RAB3B: variants seen among roughly 807,000 people sequenced by gnomAD.
RAB3B encodes RAB3B, member RAS oncogene family, also known as ras-related protein Rab-3B.
RAB3B carries 11 observed loss-of-function variants against 20.5 expected under a neutral mutation model. That is an observed-to-expected ratio of 0.54 (90% CI 0.34 to 0.89). RAB3B has a LOEUF of 0.89. Ranked by LOEUF, RAB3B falls within the 40% of genes least tolerant of loss-of-function variation. The probability of loss-of-function intolerance (pLI) is 0.02; values close to 1 mark genes in which losing one functional copy is unlikely to be tolerated. For missense variants in RAB3B, 225 were observed against 280.9 expected (o/e 0.80, Z 1.42); for synonymous variants, 99 against 106.3 (o/e 0.93, Z 0.42).
chr1:51,956,858 A>G (rs766375967), intron 2 of RAB3B, among the ~76,000 whole-genome samples: 2 of 152,190 alleles, frequency 1.3e-5, no homozygotes, highest in Non-Finnish European at 2.9e-5. Context: ...TATTTTACAG[A>G]TAAAGTAATG....
chr1:51,971,609 T>A (rs1353360310), intron 2 of RAB3B, among the ~76,000 whole-genome samples: 1 of 151,928 alleles, frequency 6.6e-6, no homozygotes, highest in Admixed American at 6.6e-5. Flanking sequence ...ATTTTTTGTA[T>A]TTTTAGTAAA....
At chr1:51,967,200 C>T (rs959261034) in intron 2 of RAB3B, among the ~76,000 whole-genome samples, 1 of 152,076 alleles carries the variant, frequency 6.6e-6, no homozygotes, top group Admixed American at 6.6e-5. Context: ...GTAATCCCAG[C>T]TATTCGGGAG....
intron 2 of RAB3B, among the ~76,000 whole-genome samples, chr1:51,940,560 C>T (rs193290501): frequency 5.3e-5 from 8 of 151,574 alleles, no homozygotes; most frequent in Admixed American, 2.6e-4. Flanking sequence ...GAGGCAGGGT[C>T]GCAGGGAGCT....
chr1:51,911,654 T>C lies in RAB3B; in HGVS notation c.*8273A>G, dbSNP rs548198656. 1.3e-5 allele frequency: 2 copies of C among 152,336 alleles called. No homozygotes were observed. The highest frequency in any genetic ancestry group is 4.8e-5 in the African/African-American group (2 of 41,568). 9.4% of individuals were successfully genotyped at this position (152,336 alleles called of 1,614,324 possible). On this transcript the variant is annotated 3_prime_UTR_variant, in exon 5 of 5. Transcript: ENST00000371655. ...CCAGAGACCACACTCTTTCTCACCTTATGTCTCTGCTGCCCTCTGCCTAAT... is the reference window on the plus strand; with the variant it reads ...CCAGAGACCACACTCTTTCTCACCTCATGTCTCTGCTGCCCTCTGCCTAAT...
rs888789109 is a variant in RAB3B at position 51,913,285 on chromosome 1, T to C, written c.*6642A>G. On this transcript the variant is annotated 3_prime_UTR_variant, in exon 5 of 5. Transcript: ENST00000371655. ...CTTTGGATCACTATTAAACAAATGATAAGACTGCCCTGCCCTATACAGTTT... is the reference window on the plus strand; with the variant it reads ...CTTTGGATCACTATTAAACAAATGACAAGACTGCCCTGCCCTATACAGTTT... 1 of 152,268 alleles carries C rather than the reference T, an allele frequency of 6.6e-6. No homozygotes were observed. The highest frequency in any genetic ancestry group is 3.4e-3 in the Middle Eastern group (1 of 294). The allele number at this position is 152,268 out of a possible 1,614,324, so 9.4% of individuals were successfully genotyped here.
intron 2 of RAB3B, among the ~76,000 whole-genome samples, chr1:51,944,540 T>C (rs1684539679): frequency 6.6e-6 from 1 of 152,194 alleles, no homozygotes; most frequent in Admixed American, 6.5e-5. Flanking sequence ...TGGGAGGAGA[T>C]AAAAATATGA....
chr1:51,957,068 T>G lies in RAB3B; in HGVS notation c.229-19656A>C, dbSNP rs565144240. 8.1e-5 allele frequency among the ~76,000 whole-genome samples: 12 copies of G among 147,798 alleles called. No individual in the cohort carries two copies. The South Asian group carries it at 2.3e-3, about 28-fold the overall frequency. ...TTTTATGTAAAGTCTATATAAACTC[T>G]TTTCATGGTTTTGTCTGTTTGTTCT... On this transcript the variant is annotated intron_variant, in intron 2 of 4. Transcript: ENST00000371655.
In RAB3B at chr1:51,977,001, G is replaced by A. The variant is rs1397622723; in HGVS notation, c.117C>T (p.Leu39=). 3.1e-6 allele frequency: 5 copies of A among 1,614,104 alleles called. No homozygotes were observed. The highest frequency in any genetic ancestry group is 4.5e-5 in the East Asian group (2 of 44,890). ...TGAACGTGTCATCAGCATAGCGGAA[G>A]AGGAAGGAGGTCTTGCCAACACTGC... is the stretch of plus-strand genomic sequence containing the variant. ...GNSSVGKTSF[L]FRYADDTFTP... The change falls in exon 2 of 5, where the codon CTC becomes CTT. Residue 39 remains leucine (L), a synonymous_variant. Transcript: ENST00000371655.
intron 2 of RAB3B, among the ~76,000 whole-genome samples, chr1:51,940,906 T>C (rs923957743): frequency 4.6e-5 from 7 of 152,042 alleles, no homozygotes; most frequent in African/African-American, 7.2e-5. Flanking sequence ...ATGTGAGTCA[T>C]GTATTGGCTC....
At chr1:51,948,402 G>A (rs1349010967) in intron 2 of RAB3B, among the ~76,000 whole-genome samples, 5 of 152,256 alleles carry the variant, frequency 3.3e-5, no homozygotes, top group Non-Finnish European at 7.3e-5. Flanking sequence ...TGAGGGGATA[G>A]TACTGCTATC....
chr1:51,910,502 A>G lies in RAB3B; in HGVS notation c.*9425T>C, dbSNP rs1490580156. 25 of 152,114 alleles carry G rather than the reference A, an allele frequency of 1.6e-4. 1 individual carries two copies. The highest frequency in any genetic ancestry group is 3.2e-3 in the Middle Eastern group (1 of 316). The allele number at this position is 152,114 out of a possible 1,614,324, so 9.4% of individuals were successfully genotyped here. ...AGAATAGTCAGGCATGGACCATCCA[A>G]ACACAAATTGCTAAGATGCTTTCTG... On this transcript the variant is annotated 3_prime_UTR_variant, in exon 5 of 5. Transcript: ENST00000371655.
intron 2 of RAB3B, among the ~76,000 whole-genome samples, chr1:51,941,293 T>C (rs1363976060): frequency 6.6e-6 from 1 of 152,076 alleles, no homozygotes; most frequent in African/African-American, 2.4e-5. Context: ...TACTATGCTA[T>C]GGGGTATGGA....
intron 2 of RAB3B, among the ~76,000 whole-genome samples, chr1:51,953,856 C>T (rs113049742): frequency 9.5e-4 from 144 of 152,142 alleles, no homozygotes; most frequent in African/African-American, 3.3e-3. Context: ...ATGATTTATT[C>T]GATAAATAAT....
intron 2 of RAB3B, among the ~76,000 whole-genome samples, chr1:51,975,721 C>T (rs931937769): frequency 3.9e-5 from 6 of 152,136 alleles, no homozygotes; most frequent in Non-Finnish European, 7.3e-5. Flanking sequence ...AGGCTAAGCG[C>T]GGTGGCTCAC....
In RAB3B at chr1:51,933,249, C is replaced by T; in HGVS notation, c.472+69G>A. 5.2e-6 allele frequency: 8 copies of T among 1,527,702 alleles called. No homozygotes were observed. The South Asian group carries it at 8.5e-5, about 16-fold the overall frequency. 94.6% of individuals were successfully genotyped at this position (1,527,702 alleles called of 1,614,324 possible). ...GTCATAAATACAAACACACTCGTAC[C>T]CTGTTTACCCCACTCTCATGAGCAT... On this transcript the variant is annotated intron_variant, in intron 4 of 4. Coordinates refer to ENST00000371655, the MANE Select transcript of RAB3B (RefSeq NM_002867.4).
intron 2 of RAB3B, among the ~76,000 whole-genome samples, chr1:51,966,698 TGCA>T (rs777322458): frequency 5.3e-4 from 80 of 152,200 alleles, no homozygotes; most frequent in Non-Finnish European, 7.8e-4. Flanking sequence ...AGCATGTTTC[TGCA>T]GCCACACCAG....
intron 2 of RAB3B, among the ~76,000 whole-genome samples, chr1:51,956,040 G>A (rs1447415194): frequency 6.6e-6 from 1 of 152,208 alleles, no homozygotes; most frequent in African/African-American, 2.4e-5. Context: ...GCCTGTCAGA[G>A]GCAGCCTGAC....
intron 1 of RAB3B, chr1:51,980,429 C>CAAAAAA: frequency 2.6e-6 from 1 of 385,748 alleles, no homozygotes; most frequent in Non-Finnish European, 4.7e-6. Context: ...CTGTCTCTAC[C>CAAAAAA]AAAAAAAAAA....
intron 4 of RAB3B, among the ~76,000 whole-genome samples, chr1:51,923,444 A>G (rs1229558075): frequency 6.6e-6 from 1 of 151,900 alleles, no homozygotes; most frequent in Non-Finnish European, 1.5e-5. Flanking sequence ...GGCTGGGTGC[A>G]GTGGCTCACG....
Sources: allele counts gnomAD v4.1 joint callset (sites outside exome capture counted in the v4.1 genomes callset), GRCh38; gene constraint gnomAD v4.1.1; transcripts MANE v1.5; gene names NCBI Gene and HGNC (gene_info 2026-07-23, HGNC 2026-07-21).